The following NPIPB15 variants were observed in gnomAD, a reference collection of about 807,000 sequenced individuals.
NPIPB15 encodes nuclear pore complex-interacting protein family member B15.
Under a neutral mutation model 35.9 loss-of-function variants are expected in NPIPB15, and 5 were observed. The observed-to-expected ratio is 0.14, with a 90% CI of 0.07 to 0.29. NPIPB15 has a LOEUF of 0.29. Ranked by LOEUF, NPIPB15 falls within the 10% of genes least tolerant of loss-of-function variation. NPIPB15 has a pLI of 1.00. For missense variants in NPIPB15, 100 were observed against 506.1 expected (o/e 0.20, Z 7.70); for synonymous variants, 43 against 182.0 (o/e 0.24, Z 6.15).
chr16:74,379,065 G>T (rs1162071398), intron 2 of NPIPB15, among the ~76,000 whole-genome samples: 1 of 152,252 alleles, frequency 6.6e-6, no homozygotes, highest in East Asian at 1.9e-4. Context: ...CTCCCAAAGT[G>T]TTGGGATTAC....
chr16:74,380,886 C>T (rs1255212504), intron 2 of NPIPB15, among the ~76,000 whole-genome samples: 2 of 152,224 alleles, frequency 1.3e-5, no homozygotes, highest in Non-Finnish European at 2.9e-5. Flanking sequence ...TGGCTCACAC[C>T]TGTAATCCCA....
At position 74,377,099 on chromosome 16, in the gene NPIPB15, A is replaced by G. The variant is rs1456553700; in HGVS notation, c.-270A>G. Reference sequence around the variant, plus strand: ...ATGGACGGATGGCTACATGGATGTGATGGAGATGGTTTACTATCGGGACCT... The same window carrying G: ...ATGGACGGATGGCTACATGGATGTGGTGGAGATGGTTTACTATCGGGACCT... On this transcript the variant is annotated 5_prime_UTR_variant, in exon 1 of 8. An upstream start codon of the reference 5' UTR is lost. Coordinates refer to ENST00000692376, the MANE Select transcript of NPIPB15 (RefSeq NM_001306094.2). Among the ~76,000 whole-genome samples the G allele has an allele frequency of 7.2e-6, 1 of 138,756 alleles. No homozygotes were observed. Among genetic ancestry groups the G allele is most frequent in the African/African-American group, 2.7e-5 (1 of 36,746 alleles). 91.0% of individuals were successfully genotyped at this position (138,756 alleles called of 152,430 possible).
intron 3 of NPIPB15, among the ~76,000 whole-genome samples, chr16:74,383,076 C>G (rs369148662): frequency 0.069 from 9,416 of 136,194 alleles, 320 homozygotes; most frequent in East Asian, 0.093. Flanking sequence ...GTGCCCACCA[C>G]CATGCCCAGC....
chr16:74,390,424 G>C (rs1286021189), intron 7 of NPIPB15: 1 of 394,390 alleles, frequency 2.5e-6, no homozygotes, highest in African/African-American at 5.9e-5. Context: ...ATGATTACAC[G>C]TGATGGGACT....
intron 2 of NPIPB15, among the ~76,000 whole-genome samples, chr16:74,379,553 T>C (rs1288152082): frequency 1.3e-5 from 2 of 151,130 alleles, no homozygotes; most frequent in African/African-American, 2.4e-5. Context: ...TCCCACACTA[T>C]TCATGCCATT....
At chr16:74,389,365 TTTTTTG>T (rs1206933050) in intron 5 of NPIPB15, among the ~76,000 whole-genome samples, 2,510 of 143,730 alleles carry the variant, frequency 0.017, 76 homozygotes, top group African/African-American at 0.044. Context: ...ACCGTACAGT[TTTTTTG>T]TTTTTGTTTT....
intron 5 of NPIPB15, among the ~76,000 whole-genome samples, chr16:74,386,294 T>C (rs1391944217): frequency 6.9e-6 from 1 of 144,950 alleles, no homozygotes; most frequent in Non-Finnish European, 1.5e-5. Flanking sequence ...CTTTTTTTTT[T>C]TTTTTTTTTT....
intron 2 of NPIPB15, chr16:74,381,251 G>C (rs1387786586): frequency 3.3e-6 from 2 of 604,700 alleles, no homozygotes; most frequent in South Asian, 2.2e-5. Flanking sequence ...AATATAGGCA[G>C]GGAAGTGAAA....
intron 3 of NPIPB15, among the ~76,000 whole-genome samples, chr16:74,382,950 T>A (rs1459610328): frequency 8.0e-6 from 1 of 124,578 alleles, no homozygotes; most frequent in African/African-American, 3.1e-5. Flanking sequence ...CCGAAACGAG[T>A]CTCCCTCTGT....
chr16:74,381,666 T>C lies in NPIPB15; in HGVS notation c.217T>C (p.Phe73Leu), dbSNP rs1217831547. The C allele has an allele frequency of 3.8e-6, 6 of 1,592,686 alleles. No homozygotes were observed. In the African/African-American group the frequency reaches 8.0e-5, roughly 21 times the overall value. ...TATTGGGTTTCTGAGACGTGACACATTTACCATTCTCTTCTGCACAAGTTA... is the reference window on the plus strand; with the variant it reads ...TATTGGGTTTCTGAGACGTGACACACTTACCATTCTCTTCTGCACAAGTTA... ...IIIGFLRRDT[F>L]TILFCTSYLC... Residue 73 changes from phenylalanine to leucine, a missense_variant, in exon 3 of 8, where the codon TTT (phenylalanine) becomes CTT (leucine). By Grantham distance (22) the Phe-to-Leu change is conservative. Transcript: ENST00000692376.
Position 74,384,991 on chromosome 16 carries a change from TTGTGTGTGTGTGTGTG to T in NPIPB15, c.250-322_250-307del, listed in dbSNP as rs199888896. ...TCACCGTGCCAGCCTCATGTCATTC[TTGTGTGTGTGTGTGTG>T]TGTGTGTGTGTGTGTGTGTGTGTGT... On this transcript the variant is annotated intron_variant, in intron 3 of 7. Transcript: ENST00000692376. Among the ~76,000 whole-genome samples the T allele has an allele frequency of 1.6e-3, 153 of 93,510 alleles. 2 individuals are homozygous for T. Among genetic ancestry groups the T allele is most frequent in the African/African-American group, 4.9e-3 (111 of 22,628 alleles). The allele number at this position is 93,510 out of a possible 152,430, so 61.3% of individuals were successfully genotyped here. A position where few individuals can be genotyped will look rare whatever the true frequency, so the allele number is the denominator to read the frequency against.
intron 7 of NPIPB15, chr16:74,390,849 A>C: frequency 1.6e-6 from 1 of 608,978 alleles, no homozygotes; most frequent in Non-Finnish European, 2.0e-6. Flanking sequence ...GTTTTCTTAG[A>C]TTTGGAGCAG....
At chr16:74,382,872 T>C (rs2012066306) in intron 3 of NPIPB15, among the ~76,000 whole-genome samples, 1 of 151,562 alleles carries the variant, frequency 6.6e-6, no homozygotes, top group Non-Finnish European at 1.5e-5. Flanking sequence ...CACTTAGTCC[T>C]GAACAGAGAA....
rs1172551554 is a variant in NPIPB15, at chr16:74,376,947, T to C, written c.-422T>C. Reference sequence around the variant, plus strand: ...CACAGTTATATGATCAGAAACATGCTGTGTGATTTGATTGCTCTCAAATAT... The same window carrying C: ...CACAGTTATATGATCAGAAACATGCCGTGTGATTTGATTGCTCTCAAATAT... On this transcript the variant is annotated 5_prime_UTR_variant, in exon 1 of 8. Transcript: ENST00000692376. Among the ~76,000 whole-genome samples, 1 of 146,270 alleles carries C rather than the reference T, an allele frequency of 6.8e-6. No individual in the cohort carries two copies. The highest frequency in any genetic ancestry group is 2.0e-4 in the East Asian group (1 of 4,940).
chr16:74,379,088 C>A (rs1439720483), intron 2 of NPIPB15, among the ~76,000 whole-genome samples: 1 of 146,640 alleles, frequency 6.8e-6, no homozygotes, highest in Non-Finnish European at 1.5e-5. Context: ...GCGTGAACCA[C>A]CGTGCCCAGC....
chr16:74,380,547 G>A (rs1264729559), intron 2 of NPIPB15, among the ~76,000 whole-genome samples: 3 of 150,408 alleles, frequency 2.0e-5, no homozygotes, highest in Non-Finnish European at 4.4e-5. Context: ...ATTTTGGCCA[G>A]GTACAGTGGC....
intron 1 of NPIPB15, among the ~76,000 whole-genome samples, 187 bp downstream of exon 1, chr16:74,377,533 A>G (rs373730793): frequency 1.3e-5 from 2 of 152,242 alleles, no homozygotes; most frequent in South Asian, 2.1e-4. Flanking sequence ...CCCAGACCGA[A>G]GAAGGTTTGG....
chr16:74,388,833 C>T lies in NPIPB15; in HGVS notation c.546-992C>T, dbSNP rs2012407404. On this transcript the variant is annotated intron_variant, in intron 5 of 7. Transcript: ENST00000692376. ...CTACAAGTGAGTTCAGAAACTGAAC[C>T]CCACCCTCCTGGGAAACGCCCATTG... is the stretch of plus-strand genomic sequence containing the variant. The T allele has an allele frequency of 2.1e-6, 2 of 961,082 alleles. 1 individual carries two copies. The highest frequency in any genetic ancestry group is 3.7e-5 in the African/African-American group (2 of 54,626). The allele number at this position is 961,082 out of a possible 1,614,324, so 59.5% of individuals were successfully genotyped here.
chr16:74,378,982 T>A (rs1407652835), intron 2 of NPIPB15, among the ~76,000 whole-genome samples: 4 of 152,188 alleles, frequency 2.6e-5, no homozygotes, highest in Non-Finnish European at 5.9e-5. Context: ...GTATTTTTAG[T>A]AGAGATAGGG....
Sources: allele counts gnomAD v4.1 joint callset (sites outside exome capture counted in the v4.1 genomes callset), GRCh38; gene constraint gnomAD v4.1.1; transcripts MANE v1.5; gene names NCBI Gene and HGNC (gene_info 2026-07-23, HGNC 2026-07-21).